CDYL2: variants seen among roughly 807,000 people sequenced by gnomAD.
CDYL2 encodes the protein chromodomain Y like 2, also known as chromodomain Y-like protein 2.
A neutral mutation model predicts 49.4 loss-of-function variants in CDYL2; 23 were observed. That is an observed-to-expected ratio of 0.47 (90% CI 0.34 to 0.66). The LOEUF is 0.66. Ranked by LOEUF, CDYL2 falls within the 30% of genes least tolerant of loss-of-function variation. CDYL2 has a pLI of 0.01. For missense variants in CDYL2, 678 were observed against 656.4 expected (o/e 1.03, Z -0.36); for synonymous variants, 360 against 268.8 (o/e 1.34, Z -3.32).
chr16:80,749,276 A>G (rs950846006), intron 1 of CDYL2, among the ~76,000 whole-genome samples: 2 of 152,238 alleles, frequency 1.3e-5, no homozygotes, highest in African/African-American at 4.8e-5. Context: ...AATCATTTTT[A>G]AAATTGTTGA....
chr16:80,771,467 G>A (rs931155393), intron 1 of CDYL2, among the ~76,000 whole-genome samples: 1 of 152,230 alleles, frequency 6.6e-6, no homozygotes, highest in African/African-American at 2.4e-5. Flanking sequence ...ACTTCGGGAG[G>A]CCGAGGTAGG....
intron 1 of CDYL2, among the ~76,000 whole-genome samples, chr16:80,694,793 C>G (rs893153455): frequency 3.9e-5 from 6 of 152,114 alleles, no homozygotes; most frequent in African/African-American, 1.2e-4. Flanking sequence ...AAATGCCTAA[C>G]TCTAGGGCTG....
In CDYL2 at chr16:80,732,663, C is replaced by T. The variant is rs1047289184; in HGVS notation, c.25-47534G>A. On this transcript the variant is annotated intron_variant, in intron 1 of 6. Transcript: ENST00000570137. ...AAGAATGAATACAATTTTAAAATACCTGAAATAACTAAGTAGATTAATGTA... is the reference window on the plus strand; with the variant it reads ...AAGAATGAATACAATTTTAAAATACTTGAAATAACTAAGTAGATTAATGTA... Among the ~76,000 whole-genome samples the T allele has an allele frequency of 2.0e-5, 3 of 152,186 alleles. No individual in the cohort carries two copies. In the East Asian group the frequency reaches 5.8e-4, roughly 29 times the overall value.
At chr16:80,787,178 T>C (rs1030654827) in intron 1 of CDYL2, among the ~76,000 whole-genome samples, 3 of 151,668 alleles carry the variant, frequency 2.0e-5, no homozygotes, top group African/African-American at 7.3e-5. Flanking sequence ...ATGCCGGGAG[T>C]CTAGTTAAGA....
intron 1 of CDYL2, among the ~76,000 whole-genome samples, chr16:80,789,083 C>T (rs963080819): frequency 1.3e-5 from 2 of 151,996 alleles, no homozygotes; most frequent in African/African-American, 4.8e-5. Flanking sequence ...TCATCTTAAA[C>T]CAGTCAGAAT....
chr16:80,747,219 A>G (rs1182617354), intron 1 of CDYL2, among the ~76,000 whole-genome samples: 2 of 152,204 alleles, frequency 1.3e-5, no homozygotes, highest in Admixed American at 6.5e-5. Flanking sequence ...CCACCTGTCG[A>G]TGTTCCTTAT....
chr16:80,727,285 C>G (rs6564786), intron 1 of CDYL2, among the ~76,000 whole-genome samples: 128,432 of 152,226 alleles, frequency 0.84, 55,818 homozygotes, highest in Non-Finnish European at 0.95. Flanking sequence ...CCTCACTCGG[C>G]AAGCGCAAGG....
At chr16:80,670,614 C>T (rs868530198) in intron 2 of CDYL2, among the ~76,000 whole-genome samples, 7 of 152,326 alleles carry the variant, frequency 4.6e-5, no homozygotes, top group South Asian at 2.1e-4. Context: ...ACCCATCTGG[C>T]TTCTCACCAG....
chr16:80,701,241 CA>C (rs1212525785), intron 1 of CDYL2, among the ~76,000 whole-genome samples: 1 of 152,138 alleles, frequency 6.6e-6, no homozygotes, highest in Non-Finnish European at 1.5e-5. Context: ...CCATTTATGT[CA>C]AAATATGCAT....
intron 2 of CDYL2, among the ~76,000 whole-genome samples, chr16:80,682,584 G>A (rs918023127): frequency 3.9e-5 from 6 of 152,186 alleles, no homozygotes; most frequent in African/African-American, 1.4e-4. Context: ...GTCAGCTACA[G>A]TCAGCAAATC....
At chr16:80,605,117 C>T in intron 6 of CDYL2, among the ~76,000 whole-genome samples, 1 of 151,950 alleles carries the variant, frequency 6.6e-6, no homozygotes, top group East Asian at 1.9e-4. Flanking sequence ...ACAATCATCA[C>T]AGCCATAGTA....
chr16:80,748,531 A>AC, intron 1 of CDYL2, among the ~76,000 whole-genome samples: 1 of 143,922 alleles, frequency 6.9e-6, no homozygotes, highest in Non-Finnish European at 1.5e-5. Flanking sequence ...AAAAAAAAAA[A>AC]AAAAAAAAAC....
intron 4 of CDYL2, among the ~76,000 whole-genome samples, chr16:80,618,646 G>A (rs1906939736): frequency 6.6e-6 from 1 of 152,142 alleles, no homozygotes; most frequent in Non-Finnish European, 1.5e-5. Context: ...ATTCCTGCAT[G>A]CAAGAAGGAT....
At chr16:80,638,934 C>A (rs1907959688) in intron 2 of CDYL2, among the ~76,000 whole-genome samples, 1 of 152,018 alleles carries the variant, frequency 6.6e-6, no homozygotes, top group Non-Finnish European at 1.5e-5. Flanking sequence ...TGACTTTTTA[C>A]ATAAGACACT....
intron 2 of CDYL2, among the ~76,000 whole-genome samples, chr16:80,637,896 T>C (rs546390129): frequency 2.0e-5 from 3 of 152,372 alleles, no homozygotes; most frequent in East Asian, 3.9e-4. Flanking sequence ...ACAACTATTA[T>C]ACGTAAATGT....
chr16:80,676,453 C>T (rs1014928491), intron 2 of CDYL2, among the ~76,000 whole-genome samples: 7 of 152,146 alleles, frequency 4.6e-5, no homozygotes, highest in Admixed American at 4.6e-4. Flanking sequence ...CTCAGTGGTT[C>T]ACCAGATAGT....
rs1321893424 is a variant in CDYL2, at chr16:80,601,809, G to A, written c.*2579C>T. 3 of 152,108 alleles carry A rather than the reference G, an allele frequency of 2.0e-5. No individual in the cohort carries two copies. Among genetic ancestry groups the A allele is most frequent in the African/African-American group, 7.2e-5 (3 of 41,396 alleles). 9.4% of individuals were successfully genotyped at this position (152,108 alleles called of 1,614,324 possible). ...CTTTCACCACCCCCGTTACACCCAG[G>A]ACCTGTGACTTAACAGCAAGATTTC... On this transcript the variant is annotated 3_prime_UTR_variant, in exon 7 of 7. Transcript: ENST00000570137.
Position 80,684,812 on chromosome 16 carries a change from G to A in CDYL2, c.342C>T (p.Ala114=). 6.2e-7 allele frequency: 1 copy of A among 1,613,744 alleles called. No individual in the cohort carries two copies. The highest frequency in any genetic ancestry group is 8.5e-7 in the Non-Finnish European group (1 of 1,179,904). ...TGCCTGAATACCCTTTTTTTGGCTT[G>A]GCCAGGGGAGGGTTAATTCGCTTCC... ...HKRKRINPPL[A]KPKKGYSGKP... Residue 114 remains alanine (A), a synonymous_variant, in exon 2 of 7, where the codon GCC becomes GCT. Transcript: ENST00000570137.
At chr16:80,666,075 C>T (rs947054431) in intron 2 of CDYL2, among the ~76,000 whole-genome samples, 3 of 152,112 alleles carry the variant, frequency 2.0e-5, no homozygotes, top group South Asian at 4.1e-4. Flanking sequence ...ACTCATGAGG[C>T]GCCAGGACCC....
Sources: gnomAD v4.1 joint callset for allele counts (sites outside exome capture counted in the v4.1 genomes callset) on GRCh38, gnomAD v4.1.1 for gene constraint, MANE v1.5 for transcripts, NCBI Gene and HGNC (gene_info 2026-07-23, HGNC 2026-07-21) for gene names.